The following RPTOR variants were observed in gnomAD, a reference collection of about 807,000 sequenced individuals.
The protein encoded by RPTOR is regulatory associated protein of MTOR complex 1.
RPTOR carries 21 observed loss-of-function variants against 169.9 expected under a neutral mutation model. That is an observed-to-expected ratio of 0.12 (90% CI 0.09 to 0.18). RPTOR has a LOEUF of 0.18. Among genes scored for constraint, RPTOR ranks in the 10% least tolerant of loss-of-function variants. The pLI is 1.00. For missense variants in RPTOR, 1,133 were observed against 1,855.9 expected (o/e 0.61, Z 7.16); for synonymous variants, 732 against 753.2 (o/e 0.97, Z 0.46).
chr17:80,864,730 G>A (rs899445950), intron 13 of RPTOR, among the ~76,000 whole-genome samples: 14 of 152,106 alleles, frequency 9.2e-5, no homozygotes, highest in Non-Finnish European at 2.1e-4. Flanking sequence ...AGTACTATGT[G>A]GATAAATATG....
At chr17:80,945,617 G>A (rs1324754122) in intron 25 of RPTOR, 50 bp from the exon 26 acceptor site, 1 of 1,153,024 alleles carries the variant, frequency 8.7e-7, no homozygotes, top group Non-Finnish European at 1.3e-6. Flanking sequence ...ATAAATAAGG[G>A]GGAAAAGATG....
At chr17:80,615,146 A>C (rs1162407360) in intron 1 of RPTOR, among the ~76,000 whole-genome samples, 1 of 152,200 alleles carries the variant, frequency 6.6e-6, no homozygotes, top group Non-Finnish European at 1.5e-5. Flanking sequence ...AAGGATCTCC[A>C]GAAGACCCGA....
intron 7 of RPTOR, among the ~76,000 whole-genome samples, chr17:80,811,734 C>T (rs1361075149): frequency 6.7e-6 from 1 of 149,952 alleles, no homozygotes; most frequent in African/African-American, 2.5e-5. Flanking sequence ...CACCGCCTCT[C>T]TCCAACAAGG....
At chr17:80,865,466 G>T (rs2067977296) in intron 13 of RPTOR, among the ~76,000 whole-genome samples, 1 of 152,202 alleles carries the variant, frequency 6.6e-6, no homozygotes, top group South Asian at 2.1e-4. Context: ...GCTCTGCCAT[G>T]CAGGCACTAA....
intron 9 of RPTOR, among the ~76,000 whole-genome samples, chr17:80,830,401 C>T (rs2067490096): frequency 6.6e-6 from 1 of 152,224 alleles, no homozygotes; most frequent in African/African-American, 2.4e-5. Context: ...TGTATCAGTT[C>T]ACTATGTGTG....
rs1229661807 is a variant in RPTOR at position 80,633,443 on chromosome 17, T to C, written c.265+7650T>C. Among the ~76,000 whole-genome samples the C allele has an allele frequency of 6.6e-6, 1 of 152,194 alleles. No individual in the cohort carries two copies. The highest frequency in any genetic ancestry group is 1.9e-4 in the East Asian group (1 of 5,194). ...CAGTTCCACAGGCATTCCGTGACCC[T>C]CCTCACCCTGGCGCTTGAAGGTGGC... On this transcript the variant is annotated intron_variant, in intron 2 of 33. Coordinates refer to ENST00000306801, the MANE Select transcript of RPTOR (RefSeq NM_020761.3). The surrounding 1 kb of genome is among the most constrained non-coding windows in gnomAD (Gnocchi z 4.1).
intron 2 of RPTOR, among the ~76,000 whole-genome samples, chr17:80,634,720 T>C (rs1218681066): frequency 1.3e-5 from 1 of 76,762 alleles, no homozygotes; most frequent in Non-Finnish European, 2.9e-5. Context: ...GTGTGCGTAC[T>C]GTGTGTGTGC....
intron 5 of RPTOR, among the ~76,000 whole-genome samples, chr17:80,743,831 T>TAGCACAGCCCTGGTTACG (rs1567887451): frequency 1.0e-5 from 1 of 99,834 alleles, no homozygotes. Context: ...CCCTGGCTAC[T>TAGCACAGCCCTGGTTACG]AGCACAGCCC....
chr17:80,729,373 A>G (rs2066369434), intron 4 of RPTOR, among the ~76,000 whole-genome samples: 1 of 152,248 alleles, frequency 6.6e-6, no homozygotes, highest in Non-Finnish European at 1.5e-5. Flanking sequence ...TGTCCAAGGA[A>G]AGGTAAATAA....
chr17:80,964,212 A>T, intron 33 of RPTOR, 50 bp from the exon 34 acceptor site: 1 of 666,420 alleles, frequency 1.5e-6, no homozygotes, highest in Non-Finnish European at 2.4e-6. Flanking sequence ...CGCCCCCCGC[A>T]GTGTCTGCCC....
chr17:80,789,234 T>C (rs1567912122), intron 6 of RPTOR, among the ~76,000 whole-genome samples: 1 of 152,246 alleles, frequency 6.6e-6, no homozygotes, highest in Non-Finnish European at 1.5e-5. Flanking sequence ...TTTTAGATAG[T>C]ATACTATCTG....
rs2064874497 is a variant in RPTOR at position 80,568,953 on chromosome 17, C to T, written c.162+23162C>T. ...GTGTCAGGATTACAGGTGTGAGCTG[C>T]AATGCCCAGCCCTACCATGCTCTTA... is the stretch of plus-strand genomic sequence containing the variant. On this transcript the variant is annotated intron_variant, in intron 1 of 33. Transcript: ENST00000306801. Among the ~76,000 whole-genome samples the T allele has an allele frequency of 2.6e-5, 4 of 152,184 alleles. No individual in the cohort carries two copies. The South Asian group carries it at 8.3e-4, about 32-fold the overall frequency.
chr17:80,665,009 A>G (rs2065752842), intron 3 of RPTOR, among the ~76,000 whole-genome samples: 1 of 151,582 alleles, frequency 6.6e-6, no homozygotes, highest in South Asian at 2.1e-4. Context: ...TATTCTCCCC[A>G]CCCCTTTCTC....
At chr17:80,809,949 A>T (rs569959947) in intron 7 of RPTOR, among the ~76,000 whole-genome samples, 21 of 152,248 alleles carry the variant, frequency 1.4e-4, no homozygotes, top group Middle Eastern at 3.4e-3. Flanking sequence ...AGGCAGGAGA[A>T]TCGCTTGAAC....
In RPTOR at chr17:80,780,566, T is replaced by C. The variant is rs77809247; in HGVS notation, c.831-10884T>C. 8.0e-3 allele frequency among the ~76,000 whole-genome samples: 1,218 copies of C among 152,320 alleles called. 17 individuals carry two copies. Among genetic ancestry groups the C allele is most frequent in the African/African-American group, 0.028 (1,183 of 41,576 alleles). On this transcript the variant is annotated intron_variant, in intron 6 of 33. Transcript: ENST00000306801. ...GTGGAGGACATCTCGGCAGGGCTGC[T>C]GTAGGCGGATGTTGTCCAGTCAGAG...
chr17:80,834,163 C>G (rs2143660459), intron 9 of RPTOR, among the ~76,000 whole-genome samples: 1 of 152,328 alleles, frequency 6.6e-6, no homozygotes, highest in South Asian at 2.1e-4. Flanking sequence ...CTCCGTCTTC[C>G]CTGCCTTGCT....
At chr17:80,945,822 A>G (rs761177463) in intron 26 of RPTOR, 41 bp downstream of exon 26, 4 of 1,260,908 alleles carry the variant, frequency 3.2e-6, no homozygotes, top group Admixed American at 2.4e-5. Context: ...CGGCTGACCG[A>G]CAGCCCCAGC....
intron 3 of RPTOR, among the ~76,000 whole-genome samples, chr17:80,663,089 C>T (rs925538196): frequency 1.3e-5 from 2 of 152,146 alleles, no homozygotes; most frequent in Non-Finnish European, 2.9e-5. Context: ...TTTGCTCTTG[C>T]GTTTGGCCTC....
At chr17:80,744,116 TACTA>T (rs2066530738) in intron 5 of RPTOR, among the ~76,000 whole-genome samples, 2 of 110,562 alleles carry the variant, frequency 1.8e-5, no homozygotes, top group Non-Finnish European at 4.1e-5. Flanking sequence ...CAGCCCTGGT[TACTA>T]GCACAGCCCT....
Sources: allele counts gnomAD v4.1 joint callset (sites outside exome capture counted in the v4.1 genomes callset), GRCh38; gene constraint gnomAD v4.1.1; non-coding constraint Gnocchi (gnomAD v3.1); transcripts MANE v1.5; gene names NCBI Gene and HGNC (gene_info 2026-07-23, HGNC 2026-07-21).